The following DHTKD1 variants were observed in gnomAD, a reference collection of about 807,000 sequenced individuals.
DHTKD1 encodes dehydrogenase E1 and transketolase domain containing 1.
DHTKD1 carries 78 observed loss-of-function variants against 101.8 expected under a neutral mutation model. The observed-to-expected ratio is 0.77, with a 90% CI of 0.64 to 0.93. DHTKD1 has a LOEUF of 0.93. Among genes scored for constraint, DHTKD1 ranks in the 40% least tolerant of loss-of-function variants. The pLI, the probability that DHTKD1 is intolerant of heterozygous loss-of-function variation, is 0.00. For missense variants in DHTKD1, 1,223 were observed against 1,161.7 expected (o/e 1.05, Z -0.77); for synonymous variants, 462 against 450.3 (o/e 1.03, Z -0.33).
intron 13 of DHTKD1, among the ~76,000 whole-genome samples, chr10:12,117,465 G>C (rs962271295): frequency 6.6e-6 from 1 of 151,936 alleles, no homozygotes; most frequent in African/African-American, 2.4e-5. Context: ...ATTCCAAAAG[G>C]CTATCTTATG....
chr10:12,111,392 CT>C (rs1833327730), intron 12 of DHTKD1, among the ~76,000 whole-genome samples: 1 of 152,198 alleles, frequency 6.6e-6, no homozygotes, highest in African/African-American at 2.4e-5. Context: ...TCTTGAACCC[CT>C]GACCTCATGT....
chr10:12,090,846 T>A (rs1228831073), intron 5 of DHTKD1, among the ~76,000 whole-genome samples: 1 of 152,150 alleles, frequency 6.6e-6, no homozygotes, highest in Admixed American at 6.6e-5. Flanking sequence ...TGTTTACCTT[T>A]CACATAATTT....
rs1404516384 is a variant in DHTKD1, at chr10:12,122,659, GA to G, written c.*1775del. On this transcript the variant is annotated 3_prime_UTR_variant, in exon 17 of 17. Transcript: ENST00000263035. ...GAAAGAGAGAGAGAGGAAAAAAAAA[GA>G]AAAGAACACTTCTTTATTTGAGGGA... 6.6e-6 allele frequency: 1 copy of G among 151,932 alleles called. No individual in the cohort carries two copies. Among genetic ancestry groups the G allele is most frequent in the Non-Finnish European group, 1.5e-5 (1 of 67,986 alleles). The allele number at this position is 151,932 out of a possible 1,614,324, so 9.4% of individuals were successfully genotyped here.
At chr10:12,090,440 C>CTTCTTT (rs1564391839) in intron 5 of DHTKD1, among the ~76,000 whole-genome samples, 1,423 of 99,408 alleles carry the variant, frequency 0.014, 21 homozygotes, top group Non-Finnish European at 0.018. Flanking sequence ...TCCTTCCTTC[C>CTTCTTT]TTCCTTCCTT....
chr10:12,098,095 A>G (rs778896949), intron 8 of DHTKD1, 99 bp downstream of exon 8: 8 of 1,145,048 alleles, frequency 7.0e-6, no homozygotes, highest in Middle Eastern at 2.3e-4. Flanking sequence ...TCATTTGACA[A>G]ATATTTATTG....
chr10:12,111,637 C>T (rs759103805), intron 12 of DHTKD1, among the ~76,000 whole-genome samples: 2 of 152,078 alleles, frequency 1.3e-5, no homozygotes, highest in African/African-American at 4.8e-5. Flanking sequence ...CTTTAGACAG[C>T]AGCATGGTTG....
intron 11 of DHTKD1, 24 bp downstream of exon 11, chr10:12,106,420 G>C (rs778689656): frequency 1.9e-6 from 3 of 1,612,672 alleles, no homozygotes; most frequent in East Asian, 4.5e-5. Flanking sequence ...TATAGGGTGG[G>C]TACAGGTGGG....
At chr10:12,076,270 G>A (rs1276879802) in intron 1 of DHTKD1, among the ~76,000 whole-genome samples, 1 of 152,248 alleles carries the variant, frequency 6.6e-6, no homozygotes, top group African/African-American at 2.4e-5. Context: ...GAGGTCAGGA[G>A]ATACAGACTA....
rs1316023812 is a variant in DHTKD1 at position 12,097,972 on chromosome 10, T to A, written c.1647T>A (p.Ser549Arg). Residue 549 changes from serine (S) to arginine (R), a missense_variant, in exon 8 of 17, where the codon AGT becomes AGA. Coordinates refer to ENST00000263035, the MANE Select transcript of DHTKD1 (RefSeq NM_018706.7). ...TGCCAAGAGAGCTGCAGATGCACAG[T>A]CACCTGCTGAAGACACATGTTCAGG... ...VEVPRELQMH[S>R]HLLKTHVQSR... 1 of 1,611,768 alleles carries A rather than the reference T, an allele frequency of 6.2e-7. No homozygotes were observed. Among genetic ancestry groups the A allele is most frequent in the African/African-American group, 1.3e-5 (1 of 74,912 alleles).
chr10:12,094,380 C>A, intron 7 of DHTKD1, 109 bp downstream of exon 7: 2 of 983,500 alleles, frequency 2.0e-6, no homozygotes, highest in Non-Finnish European at 3.1e-6. Flanking sequence ...TGCAGTAGCA[C>A]GATCTTGGCT....
At chr10:12,116,908 C>G (rs1469244181) in intron 13 of DHTKD1, among the ~76,000 whole-genome samples, 1 of 152,004 alleles carries the variant, frequency 6.6e-6, no homozygotes, top group Non-Finnish European at 1.5e-5. Context: ...ACCATCTTGC[C>G]TAGGCTGGTC....
In DHTKD1 at chr10:12,091,949, C is replaced by T. The variant is rs543365612; in HGVS notation, c.1159+265C>T. Among the ~76,000 whole-genome samples, 172 of 151,334 alleles carry T rather than the reference C, an allele frequency of 1.1e-3. 2 individuals are homozygous for T. Among genetic ancestry groups the T allele is most frequent in the Non-Finnish European group, 2.2e-3 (147 of 67,846 alleles). The stretch of plus-strand genomic sequence containing the variant: ...CCTCCTGATTAGCTGGGACCACATG[C>T]GTGCACCACCATGTCTGGCTAATTT... On this transcript the variant is annotated intron_variant, in intron 6 of 16. Coordinates refer to ENST00000263035, the MANE Select transcript of DHTKD1 (RefSeq NM_018706.7).
Position 12,091,626 on chromosome 10 carries a change from G to T in DHTKD1, c.1101G>T (p.Gln367His), listed in dbSNP as rs777534408. Residue 367 changes from glutamine to histidine, a missense_variant, in exon 6 of 17, where the codon CAG (glutamine) becomes CAT (histidine). Transcript: ENST00000263035. The stretch of plus-strand genomic sequence containing the variant: ...GTGTGCATTTGATTGTTAATAACCA[G>T]CTGGGTTACACCACTCCAGCTGAAA... The part of the protein sequence containing the change: ...GGSVHLIVNN[Q>H]LGYTTPAERG... The T allele has an allele frequency of 1.2e-6, 2 of 1,613,798 alleles. No homozygotes were observed. The highest frequency in any genetic ancestry group is 1.7e-5 in the Admixed American group (1 of 59,922).
At chr10:12,101,324 G>A (rs560117348) in intron 10 of DHTKD1, 143 bp downstream of exon 10, 7 of 866,610 alleles carry the variant, frequency 8.1e-6, no homozygotes, top group African/African-American at 3.4e-5. Context: ...TGGATGAGGT[G>A]GGTCTGTCAA....
rs575952651 is a variant in DHTKD1 at position 12,068,956 on chromosome 10, C to A, written c.-78C>A. 5.1e-5 allele frequency: 79 copies of A among 1,550,866 alleles called. No homozygotes were observed. The East Asian group carries it at 8.6e-4, about 17-fold the overall frequency. ...GGGGCGGGGCTCCGGCCGCCTCTGA[C>A]GAGTCCCGGATTTACCAGGGCCGGT... On this transcript the variant is annotated 5_prime_UTR_variant, in exon 1 of 17. Transcript: ENST00000263035.
rs1219091087 is a variant in DHTKD1 at position 12,122,201 on chromosome 10, C to T, written c.*1313C>T. ...TAAACTTGTTTTTCTTTAAATTGTT[C>T]TTACAGTGATATCTTACTATTTTTA... is the stretch of plus-strand genomic sequence containing the variant. On this transcript the variant is annotated 3_prime_UTR_variant, in exon 17 of 17. Coordinates refer to ENST00000263035, the MANE Select transcript of DHTKD1 (RefSeq NM_018706.7). 1 of 152,128 alleles carries T rather than the reference C, an allele frequency of 6.6e-6. No individual in the cohort carries two copies. Among genetic ancestry groups the T allele is most frequent in the East Asian group, 1.9e-4 (1 of 5,206 alleles). 9.4% of individuals were successfully genotyped at this position (152,128 alleles called of 1,614,324 possible).
chr10:12,101,551 T>C (rs2131616674), intron 10 of DHTKD1, among the ~76,000 whole-genome samples: 1 of 152,318 alleles, frequency 6.6e-6, no homozygotes, highest in Non-Finnish European at 1.5e-5. Context: ...ATCCTCAAGG[T>C]TACCTGTTCC....
At chr10:12,111,961 C>G (rs879393417) in intron 12 of DHTKD1, among the ~76,000 whole-genome samples, 2 of 151,996 alleles carry the variant, frequency 1.3e-5, no homozygotes, top group Non-Finnish European at 2.9e-5. Context: ...TGGGGATTAA[C>G]TAGGTTTATG....
At chr10:12,105,281 A>C (rs947731836) in intron 10 of DHTKD1, among the ~76,000 whole-genome samples, 1 of 151,772 alleles carries the variant, frequency 6.6e-6, no homozygotes, top group Non-Finnish European at 1.5e-5. Context: ...CAAAGGTAGG[A>C]CTTTATTTTT....
Sources: gnomAD v4.1 joint callset for allele counts (sites outside exome capture counted in the v4.1 genomes callset) on GRCh38, gnomAD v4.1.1 for gene constraint, MANE v1.5 for transcripts, NCBI Gene and HGNC (gene_info 2026-07-23, HGNC 2026-07-21) for gene names.